The following TMEM232 variants were observed in gnomAD, a reference collection of about 807,000 sequenced individuals.
TMEM232 encodes the protein transmembrane protein 232.
Under a neutral mutation model 78.8 loss-of-function variants are expected in TMEM232, and 80 were observed. The observed-to-expected ratio is 1.01, with a 90% CI of 0.85 to 1.22. The LOEUF (loss-of-function observed/expected upper bound fraction) is 1.22, where lower values mean the gene tolerates loss of function less well. Among genes scored for constraint, TMEM232 ranks in the 50% most tolerant of loss-of-function variants. The pLI is 0.00. For missense variants in TMEM232, 881 were observed against 742.2 expected (o/e 1.19, Z -2.17); for synonymous variants, 297 against 254.3 (o/e 1.17, Z -1.60).
intron 12 of TMEM232, among the ~76,000 whole-genome samples, chr5:110,451,165 ATCT>A (rs1760233463): frequency 6.6e-6 from 1 of 152,280 alleles, no homozygotes; most frequent in African/African-American, 2.4e-5. Flanking sequence ...TTGATATATC[ATCT>A]TCTCTGTTTC....
intron 12 of TMEM232, among the ~76,000 whole-genome samples, chr5:110,528,283 A>C (rs1458455895): frequency 1.3e-5 from 2 of 151,948 alleles, no homozygotes; most frequent in Non-Finnish European, 1.5e-5. Context: ...TATAAACATA[A>C]AATAGGGTCT....
chr5:110,508,537 T>TC (rs1252374150), intron 12 of TMEM232, among the ~76,000 whole-genome samples: 3 of 151,394 alleles, frequency 2.0e-5, no homozygotes, highest in Non-Finnish European at 2.9e-5. Context: ...ACTAGTACCT[T>TC]CCTCATGCCC....
intron 11 of TMEM232, among the ~76,000 whole-genome samples, chr5:110,537,967 T>A (rs1161427886): frequency 6.6e-6 from 1 of 152,204 alleles, no homozygotes; most frequent in Non-Finnish European, 1.5e-5. Flanking sequence ...GATTTATTCA[T>A]CTGAATCCTT....
intron 12 of TMEM232, among the ~76,000 whole-genome samples, chr5:110,516,239 C>T (rs891199718): frequency 6.6e-6 from 1 of 152,002 alleles, no homozygotes; most frequent in Admixed American, 6.6e-5. Context: ...ACTCTGTCCC[C>T]CGCAGCCCAA....
intron 8 of TMEM232, among the ~76,000 whole-genome samples, chr5:110,606,813 A>T (rs1359032743): frequency 6.6e-6 from 1 of 152,006 alleles, no homozygotes. Context: ...GTTTTTTTTA[A>T]TATTATAAAA....
At position 110,529,732 on chromosome 5, in the gene TMEM232, T is replaced by G. The variant is rs567132372; in HGVS notation, c.1456-897A>C. 8.5e-5 allele frequency among the ~76,000 whole-genome samples: 13 copies of G among 152,272 alleles called. No homozygotes were observed. The East Asian group carries it at 2.5e-3, about 29-fold the overall frequency. On this transcript the variant is annotated intron_variant, in intron 11 of 13. Coordinates refer to ENST00000455884, the MANE Select transcript of TMEM232 (RefSeq NM_001039763.4). ...CAATATTTATTCAGGAAAAGGCTAT[T>G]TTCTGAAATTTCCTTTTCCTGTTTG...
At chr5:110,391,651 G>A (rs1286430680) in intron 3 of TMEM232, among the ~76,000 whole-genome samples, 7 of 152,040 alleles carry the variant, frequency 4.6e-5, no homozygotes, top group East Asian at 1.9e-4. Flanking sequence ...ATGGACTAAA[G>A]CATATTTAAG....
At position 110,486,938 on chromosome 5, in the gene TMEM232, T is replaced by C. The variant is rs371118416; in HGVS notation, c.1703+41650A>G. Among the ~76,000 whole-genome samples, 13 of 151,026 alleles carry C rather than the reference T, an allele frequency of 8.6e-5. 1 individual carries two copies. In the East Asian group the frequency reaches 1.2e-3, roughly 14 times the overall value. The stretch of plus-strand genomic sequence containing the variant: ...GTCGTTTTCATAATGATTCTACCCA[T>C]TAATGAGCACGGGATGTGTTTCCAT... On this transcript the variant is annotated intron_variant, in intron 12 of 13. Coordinates refer to ENST00000455884, the MANE Select transcript of TMEM232 (RefSeq NM_001039763.4).
upstream of TMEM232, chr5:110,738,895 T>A: frequency 8.4e-7 from 1 of 1,187,666 alleles, no homozygotes; most frequent in East Asian, 2.7e-5. Context: ...ACTTTTAAGG[T>A]CCAGGTTACC....
intron 2 of TMEM232, among the ~76,000 whole-genome samples, chr5:110,411,920 C>T (rs753606653): frequency 1.4e-4 from 21 of 152,050 alleles, no homozygotes; most frequent in Non-Finnish European, 8.8e-5. Flanking sequence ...TATTTGAGTA[C>T]TGTAATATCT....
intron 10 of TMEM232, among the ~76,000 whole-genome samples, chr5:110,592,699 T>C (rs1779674125): frequency 6.6e-6 from 1 of 152,070 alleles, no homozygotes; most frequent in Non-Finnish European, 1.5e-5. Flanking sequence ...AAAAAAGCTA[T>C]CCATTTCCTC....
Position 110,620,419 on chromosome 5 carries a change from T to C in TMEM232, c.769-1857A>G, listed in dbSNP as rs181217343. Among the ~76,000 whole-genome samples the C allele has an allele frequency of 7.7e-3, 1,177 of 152,228 alleles. 4 individuals carry two copies. The highest frequency in any genetic ancestry group is 0.012 in the Non-Finnish European group (805 of 67,986). On this transcript the variant is annotated intron_variant, in intron 7 of 13. Transcript: ENST00000455884. Reference sequence around the variant, plus strand: ...ACCCACAAAATACATAATCACAGAATTGCCCCAACTTTTTGACAGCATCAA... The same window carrying C: ...ACCCACAAAATACATAATCACAGAACTGCCCCAACTTTTTGACAGCATCAA...
At chr5:110,454,244 T>G (rs934208984) in intron 12 of TMEM232, among the ~76,000 whole-genome samples, 2 of 152,094 alleles carry the variant, frequency 1.3e-5, no homozygotes, top group Admixed American at 1.3e-4. Flanking sequence ...AGTTAGACAA[T>G]TTTCTGGCCA....
intron 5 of TMEM232, among the ~76,000 whole-genome samples, chr5:110,637,633 T>C (rs772672477): frequency 5.9e-5 from 9 of 152,000 alleles, no homozygotes; most frequent in Non-Finnish European, 1.2e-4. Flanking sequence ...TTTTCTTTCT[T>C]TGCAGTAAAA....
At chr5:110,698,120 A>C (rs1795017500) in intron 1 of TMEM232, among the ~76,000 whole-genome samples, 1 of 152,238 alleles carries the variant, frequency 6.6e-6, no homozygotes. Context: ...AAAAAGGATG[A>C]GTTCATGTCC....
In TMEM232 at chr5:110,595,859, A is replaced by T. The variant is rs982547533; in HGVS notation, c.1276+9250T>A. 2.6e-5 allele frequency among the ~76,000 whole-genome samples: 4 copies of T among 152,202 alleles called. No individual in the cohort carries two copies. The East Asian group carries it at 7.7e-4, about 29-fold the overall frequency. On this transcript the variant is annotated intron_variant, in intron 10 of 13. Transcript: ENST00000455884. ...CAAGTTGGAAAACACACTTCAGGAT[A>T]TTATCCGGAAGAACTTCCCCAACCT...
At chr5:110,669,093 T>G (rs1791005390) in intron 1 of TMEM232, among the ~76,000 whole-genome samples, 1 of 151,744 alleles carries the variant, frequency 6.6e-6, no homozygotes, top group Admixed American at 6.6e-5. Flanking sequence ...GCAAACACAT[T>G]CAAAAGCTAG....
At chr5:110,424,704 C>T in intron 13 of TMEM232, 119 bp downstream of exon 13, 1 of 800,110 alleles carries the variant, frequency 1.2e-6, no homozygotes, top group South Asian at 1.9e-5. Context: ...GCAAACCAAT[C>T]ATGGCTCTAC....
intron 2 of TMEM232, chr5:110,734,805 C>G (rs1044543406): frequency 3.9e-5 from 6 of 152,114 alleles, no homozygotes; most frequent in African/African-American, 1.4e-4. Context: ...AAAAACACCT[C>G]TATTGTTTGA....
Sources: gnomAD v4.1 joint callset for allele counts (sites outside exome capture counted in the v4.1 genomes callset) on GRCh38, gnomAD v4.1.1 for gene constraint, MANE v1.5 for transcripts, NCBI Gene and HGNC (gene_info 2026-07-23, HGNC 2026-07-21) for gene names.